Variants in ARK2C observed in about 807,000 individuals in gnomAD.
ARK2C encodes arkadia (RNF111) C-terminal like ring finger ubiquitin ligase 2C.
chr18:46,338,677 G>C, the ARK2C span, among the ~76,000 whole-genome samples: 2 of 152,076 alleles, frequency 1.3e-5, no homozygotes, highest in African/African-American at 4.8e-5. Context: ...TCCCAGAGTG[G>C]AACCCAAATT....
chr18:46,378,033 T>C, the ARK2C span, among the ~76,000 whole-genome samples: 4 of 150,490 alleles, frequency 2.7e-5, no homozygotes, highest in Admixed American at 6.6e-5. Context: ...GGGTGAGGGG[T>C]CTTGGCAACT....
the ARK2C span, among the ~76,000 whole-genome samples, chr18:46,338,899 C>T: frequency 6.6e-6 from 1 of 152,186 alleles, no homozygotes; most frequent in Non-Finnish European, 1.5e-5. Context: ...TCCTCGCTGG[C>T]GGGTGCACCC....
chr18:46,436,416 T>C, the ARK2C span, among the ~76,000 whole-genome samples: 21 of 152,300 alleles, frequency 1.4e-4, no homozygotes, highest in African/African-American at 3.9e-4. Context: ...TTTATGCTGT[T>C]CTTGCAACTT....
chr18:46,392,953 A>G, the ARK2C span, among the ~76,000 whole-genome samples: 2 of 152,036 alleles, frequency 1.3e-5, no homozygotes, highest in Admixed American at 1.3e-4. Flanking sequence ...ATGGAAACCC[A>G]AGACACACCA....
chr18:46,378,982 C>T, the ARK2C span, among the ~76,000 whole-genome samples: 387 of 152,316 alleles, frequency 2.5e-3, 1 homozygote, highest in African/African-American at 9.0e-3. Context: ...CCTCACTGTC[C>T]CCAGGGCTCA....
chr18:46,460,384 A>AT, the ARK2C span: 1 of 152,328 alleles, frequency 6.6e-6, no homozygotes, highest in Non-Finnish European at 1.5e-5. Context: ...GAAAAAAAAA[A>AT]CACAAAAAAC....
the ARK2C span, chr18:46,460,795 T>A: frequency 1.3e-5 from 2 of 152,676 alleles, no homozygotes; most frequent in Non-Finnish European, 2.9e-5. Context: ...TTCTGTATGC[T>A]GTGATCTAGT....
the ARK2C span, among the ~76,000 whole-genome samples, chr18:46,343,197 C>T: frequency 6.6e-6 from 1 of 152,212 alleles, no homozygotes; most frequent in African/African-American, 2.4e-5. Flanking sequence ...TGACAACTCT[C>T]ACTCCTCTCT....
the ARK2C span, among the ~76,000 whole-genome samples, chr18:46,413,005 C>A: frequency 2.6e-5 from 4 of 152,322 alleles, no homozygotes; most frequent in South Asian, 8.3e-4. Context: ...ACACAGCCCC[C>A]TCTCCGAGAA....
the ARK2C span, among the ~76,000 whole-genome samples, chr18:46,402,578 G>A: frequency 6.6e-6 from 1 of 152,062 alleles, no homozygotes; most frequent in Non-Finnish European, 1.5e-5. Context: ...GTGACTCACT[G>A]CAGGCTTGAC....
At chr18:46,450,316 C>CTACCCT in the ARK2C span, 1 of 1,614,046 alleles carries the variant, frequency 6.2e-7, no homozygotes, top group Non-Finnish European at 8.5e-7. Flanking sequence ...AAATCCGAAA[C>CTACCCT]TACCCTTACC....
the ARK2C span, among the ~76,000 whole-genome samples, chr18:46,421,639 G>A: frequency 6.6e-6 from 1 of 152,202 alleles, no homozygotes; most frequent in African/African-American, 2.4e-5. Flanking sequence ...GTTTTCTTCT[G>A]TAATTGTATC....
At chr18:46,335,356 T>G in the ARK2C span, 1 of 152,248 alleles carries the variant, frequency 6.6e-6, no homozygotes, top group African/African-American at 2.4e-5. Flanking sequence ...GCTACAACAA[T>G]AGCTTGATTT....
At chr18:46,430,868 C>G in the ARK2C span, among the ~76,000 whole-genome samples, 9 of 151,996 alleles carry the variant, frequency 5.9e-5, no homozygotes, top group African/African-American at 2.2e-4. Context: ...TTTTTCTAGC[C>G]CTTGCATTAA....
At chr18:46,365,894 G>A in the ARK2C span, among the ~76,000 whole-genome samples, 1 of 152,108 alleles carries the variant, frequency 6.6e-6, no homozygotes, top group Non-Finnish European at 1.5e-5. Context: ...TGCAGGGGAG[G>A]TAGAAACATG....
At chr18:46,384,783 G>A in the ARK2C span, among the ~76,000 whole-genome samples, 7 of 152,192 alleles carry the variant, frequency 4.6e-5, no homozygotes, top group Admixed American at 6.5e-5. Context: ...TTGGGAGACC[G>A]AAGTGGGAGG....
chr18:46,430,122 G>C, the ARK2C span, among the ~76,000 whole-genome samples: 1 of 152,164 alleles, frequency 6.6e-6, no homozygotes, highest in African/African-American at 2.4e-5. Flanking sequence ...GTTTGTGTTA[G>C]TACCTTTTTG....
chr18:46,435,414 CT>C, the ARK2C span: 1 of 1,579,280 alleles, frequency 6.3e-7, no homozygotes, highest in Non-Finnish European at 8.7e-7. Flanking sequence ...TTCAGGGCCC[CT>C]GGGGGAGGAA....
chr18:46,412,886 C>T, the ARK2C span, among the ~76,000 whole-genome samples: 1 of 152,106 alleles, frequency 6.6e-6, no homozygotes, highest in Admixed American at 6.5e-5. Flanking sequence ...GCCCTTTGGT[C>T]AAGGTCACTA....
Sources: allele counts gnomAD v4.1 joint callset (sites outside exome capture counted in the v4.1 genomes callset), GRCh38; gene constraint gnomAD v4.1.1; transcripts MANE v1.5; gene names NCBI Gene and HGNC (gene_info 2026-07-23, HGNC 2026-07-21).